The following COL19A1 variants were observed in gnomAD, a reference collection of about 807,000 sequenced individuals.
COL19A1 encodes collagen type XIX alpha 1 chain, also known as collagen alpha-1(XIX) chain.
Under a neutral mutation model 190.2 loss-of-function variants are expected in COL19A1, and 159 were observed. The observed-to-expected ratio is 0.84, with a 90% CI of 0.73 to 0.95. COL19A1 has a LOEUF of 0.95. Among genes scored for constraint, COL19A1 ranks in the 40% least tolerant of loss-of-function variants. The pLI, the probability that COL19A1 is intolerant of heterozygous loss-of-function variation, is 0.00. For missense variants in COL19A1, 1,418 were observed against 1,431.9 expected (o/e 0.99, Z 0.16); for synonymous variants, 509 against 458.9 (o/e 1.11, Z -1.39).
chr6:70,039,657 A>AT (rs1779535958), intron 14 of COL19A1, among the ~76,000 whole-genome samples: 1 of 152,080 alleles, frequency 6.6e-6, no homozygotes, highest in Admixed American at 6.5e-5. Flanking sequence ...TTTTATTCAT[A>AT]TTTTGTTTAA....
chr6:69,997,120 G>A (rs1412095700), intron 11 of COL19A1, among the ~76,000 whole-genome samples: 1 of 151,852 alleles, frequency 6.6e-6, no homozygotes, highest in Non-Finnish European at 1.5e-5. Context: ...ATGCATATGT[G>A]GGGGATATCA....
chr6:69,907,163 T>A (rs868846087), intron 4 of COL19A1, among the ~76,000 whole-genome samples: 2 of 148,714 alleles, frequency 1.3e-5, no homozygotes, highest in African/African-American at 4.9e-5. Context: ...AGTCTCCAGC[T>A]CTGTTGCCCA....
intron 15 of COL19A1, among the ~76,000 whole-genome samples, chr6:70,094,954 TA>T (rs1783154501): frequency 6.6e-6 from 1 of 152,186 alleles, no homozygotes; most frequent in African/African-American, 2.4e-5. Flanking sequence ...GTGAATGTCA[TA>T]AGGGTACAGC....
intron 30 of COL19A1, among the ~76,000 whole-genome samples, chr6:70,151,032 G>A (rs1328417460): frequency 6.6e-6 from 1 of 152,012 alleles, no homozygotes; most frequent in East Asian, 1.9e-4. Flanking sequence ...GTTCGCCAGA[G>A]GAATGATTTC....
At chr6:70,099,660 A>G (rs1783505138) in intron 15 of COL19A1, among the ~76,000 whole-genome samples, 2 of 152,218 alleles carry the variant, frequency 1.3e-5, no homozygotes. Context: ...TGCTTTGTAT[A>G]GCACATCTTT....
chr6:70,118,470 G>T (rs376578753), intron 16 of COL19A1, among the ~76,000 whole-genome samples: 1 of 152,160 alleles, frequency 6.6e-6, no homozygotes, highest in East Asian at 1.9e-4. Flanking sequence ...CCTTCGGACC[G>T]CTAGGAGAGT....
intron 46 of COL19A1, among the ~76,000 whole-genome samples, chr6:70,186,844 A>T (rs1008986621): frequency 6.6e-6 from 1 of 152,076 alleles, no homozygotes; most frequent in Non-Finnish European, 1.5e-5. Context: ...TTACTAATTA[A>T]TTATGACATC....
intron 11 of COL19A1, among the ~76,000 whole-genome samples, chr6:70,001,925 G>A (rs992534515): frequency 6.6e-6 from 1 of 152,078 alleles, no homozygotes; most frequent in South Asian, 2.1e-4. Context: ...TGTGAGAGAG[G>A]GCATCTGTGT....
intron 17 of COL19A1, among the ~76,000 whole-genome samples, chr6:70,129,474 C>T (rs985487654): frequency 2.6e-5 from 4 of 152,138 alleles, no homozygotes; most frequent in African/African-American, 9.7e-5. Context: ...GAGGAAACAG[C>T]CATGATAAGA....
In COL19A1 at chr6:70,004,489, C is replaced by A. The variant is rs1053084723; in HGVS notation, c.1027-19138C>A. On this transcript the variant is annotated intron_variant, in intron 11 of 50. Coordinates refer to ENST00000620364, the MANE Select transcript of COL19A1 (RefSeq NM_001858.6). ...TGTTTTCCAGCTTGTTTCCATGCTC[C>A]TCATCATCTTCAGGTACTCCAATCA... Among the ~76,000 whole-genome samples the A allele has an allele frequency of 3.3e-5, 5 of 152,046 alleles. 1 individual carries two copies. Among genetic ancestry groups the A allele is most frequent in the African/African-American group, 1.2e-4 (5 of 41,404 alleles).
intron 15 of COL19A1, among the ~76,000 whole-genome samples, chr6:70,090,192 T>C (rs7740457): frequency 0.27 from 40,368 of 151,504 alleles, 7,229 homozygotes; most frequent in African/African-American, 0.46. Context: ...AAAAAAAAGA[T>C]TTGCACATGG....
At chr6:69,982,697 G>A (rs1329673769) in intron 11 of COL19A1, among the ~76,000 whole-genome samples, 1 of 147,140 alleles carries the variant, frequency 6.8e-6, no homozygotes, top group African/African-American at 2.7e-5. Flanking sequence ...GCCCGGCCAG[G>A]AGCAGTGGCT....
chr6:70,009,417 C>A (rs912154611), intron 11 of COL19A1, among the ~76,000 whole-genome samples: 2 of 151,928 alleles, frequency 1.3e-5, no homozygotes, highest in African/African-American at 4.8e-5. Flanking sequence ...ATGACCTGTA[C>A]ACAGATGACT....
At chr6:69,966,366 T>C (rs1775103218) in intron 11 of COL19A1, among the ~76,000 whole-genome samples, 1 of 152,190 alleles carries the variant, frequency 6.6e-6, no homozygotes, top group Non-Finnish European at 1.5e-5. Context: ...GAGATCAGAT[T>C]GTTGCTGTGT....
rs184537344 is a variant in COL19A1 at position 70,060,615 on chromosome 6, G to A, written c.1171-7808G>A. On this transcript the variant is annotated intron_variant, in intron 14 of 50. Coordinates refer to ENST00000620364, the MANE Select transcript of COL19A1 (RefSeq NM_001858.6). Reference sequence around the variant, plus strand: ...TGTGCACATGAGGGATCTAGGTTGCGTGCTGCTTATGAGAATCTACTGCCT... The same window carrying A: ...TGTGCACATGAGGGATCTAGGTTGCATGCTGCTTATGAGAATCTACTGCCT... Among the ~76,000 whole-genome samples, 148 of 152,186 alleles carry A rather than the reference G, an allele frequency of 9.7e-4. 2 individuals are homozygous for A. In the South Asian group the frequency reaches 0.024, roughly 24 times the overall value.
At chr6:70,079,030 G>A (rs528758553) in intron 15 of COL19A1, among the ~76,000 whole-genome samples, 9 of 152,266 alleles carry the variant, frequency 5.9e-5, no homozygotes, top group African/African-American at 2.2e-4. Context: ...TCACATCACT[G>A]CACTCCAGTG....
chr6:70,079,021 C>T lies in COL19A1; in HGVS notation c.1224+10545C>T, dbSNP rs1056675224. On this transcript the variant is annotated intron_variant, in intron 15 of 50. Coordinates refer to ENST00000620364, the MANE Select transcript of COL19A1 (RefSeq NM_001858.6). The stretch of plus-strand genomic sequence containing the variant: ...GACAGAGGCTTCAGTGAGCCGAGCT[C>T]ACATCACTGCACTCCAGTGTGGGCG... 2.0e-5 allele frequency among the ~76,000 whole-genome samples: 3 copies of T among 152,150 alleles called. No individual in the cohort carries two copies. In the East Asian group the frequency reaches 5.8e-4, roughly 29 times the overall value.
intron 7 of COL19A1, among the ~76,000 whole-genome samples, 170 bp downstream of exon 7, chr6:69,933,033 A>C (rs544180999): frequency 6.6e-6 from 1 of 152,180 alleles, no homozygotes; most frequent in Non-Finnish European, 1.5e-5. Context: ...GGTTACTTTC[A>C]ACAGTTTTAA....
intron 17 of COL19A1, among the ~76,000 whole-genome samples, chr6:70,126,565 A>G (rs1321115754): frequency 6.6e-6 from 1 of 152,176 alleles, no homozygotes; most frequent in Non-Finnish European, 1.5e-5. Context: ...CGGCTGGTGA[A>G]ATGGTTTTTT....
Sources: allele counts gnomAD v4.1 joint callset (sites outside exome capture counted in the v4.1 genomes callset), GRCh38; gene constraint gnomAD v4.1.1; transcripts MANE v1.5; gene names NCBI Gene and HGNC (gene_info 2026-07-23, HGNC 2026-07-21).